The following ODF2 variants were observed in gnomAD, a reference collection of about 807,000 sequenced individuals.
The protein encoded by ODF2 is outer dense fiber of sperm tails 2.
In ODF2, 47 loss-of-function variants were observed where a neutral mutation model predicts 110.2. The ratio of observed to expected loss-of-function variants is 0.43; its 90% confidence interval spans 0.34 to 0.54. The LOEUF is 0.54. ODF2 is among the 20% of genes least tolerant of loss of function. ODF2 has a pLI of 0.03. For synonymous variants in ODF2, 352 were observed against 397.7 expected, an observed-to-expected ratio of 0.89 and a Z score of 1.37; for missense variants, 812 against 1,054.5, an observed-to-expected ratio of 0.77 and a Z score of 3.19.
chr9:128,496,381 A>G, intron 18 of ODF2: 1 of 1,343,816 alleles, frequency 7.4e-7, no homozygotes, highest in Non-Finnish European at 9.8e-7. Flanking sequence ...GCCCACCTGT[A>G]GGCACCACCT....
At position 128,496,174 on chromosome 9, in the gene ODF2, TC is replaced by T. The variant is rs764587186; in HGVS notation, c.2012+35del. On this transcript the variant is annotated intron_variant, in intron 18 of 20. Coordinates refer to ENST00000604420, the Ensembl canonical transcript of ODF2. ...GCACTTGGTCCCATCTCTGTCCTCT[TC>T]CTAGGACCTGAGACTTTCAGCCACT... 2.5e-6 allele frequency: 4 copies of T among 1,612,728 alleles called. No individual in the cohort carries two copies. The African/African-American group carries it at 5.3e-5, about 22-fold the overall frequency.
chr9:128,460,742 T>G lies in ODF2; in HGVS notation c.124-200T>G, dbSNP rs1836234269. 14 of 1,580,598 alleles carry G rather than the reference T, an allele frequency of 8.9e-6. No homozygotes were observed. The South Asian group carries it at 1.4e-4, about 15-fold the overall frequency. On this transcript the variant is annotated intron_variant, in intron 3 of 20. Transcript: ENST00000604420. ...TGCTAAGCCCAGCCTCCTCGCACTC[T>G]GACTCCAAAGGTTTGGGAGACAAAC...
At chr9:128,465,734 C>T (rs915909371) in intron 4 of ODF2, among the ~76,000 whole-genome samples, 4 of 144,788 alleles carry the variant, frequency 2.8e-5, no homozygotes, top group East Asian at 2.0e-4. Context: ...AGCGAGACTC[C>T]GTCTCAAAAA....
At chr9:128,489,471 T>G (rs1844092532) in intron 14 of ODF2, among the ~76,000 whole-genome samples, 1 of 152,198 alleles carries the variant, frequency 6.6e-6, no homozygotes, top group Non-Finnish European at 1.5e-5. Flanking sequence ...ACAAATTAGT[T>G]GCCTGCTTTT....
At chr9:128,498,705 A>G in intron 19 of ODF2, 130 bp downstream of exon 19, 1 of 652,360 alleles carries the variant, frequency 1.5e-6, no homozygotes, top group South Asian at 2.0e-5. Flanking sequence ...TAAGGATCAC[A>G]TTTTCATCGT....
chr9:128,488,127 G>A (rs1843768565), intron 14 of ODF2, 102 bp downstream of exon 14: 1 of 1,385,814 alleles, frequency 7.2e-7, no homozygotes, highest in African/African-American at 1.4e-5. Context: ...CTAAGAGGGA[G>A]TCAGAAAAGC....
At position 128,456,745 on chromosome 9, in the gene ODF2, G is replaced by A. The variant is rs1037932772; in HGVS notation, c.-208-453G>A. ...CCGGGCACCGTCTCCGGCTTGCCAG[G>A]GCCCTCGCCCGGCGGGGGGGGGTCC... is the stretch of plus-strand genomic sequence containing the variant. On this transcript the variant is annotated intron_variant, in intron 1 of 20. Transcript: ENST00000604420. The A allele has an allele frequency of 1.1e-5, 11 of 975,694 alleles. No homozygotes were observed. The African/African-American group carries it at 1.7e-4, about 15-fold the overall frequency. 60.4% of individuals were successfully genotyped at this position (975,694 alleles called of 1,614,324 possible).
chr9:128,467,676 C>T (rs970815856), intron 4 of ODF2, among the ~76,000 whole-genome samples: 29 of 133,754 alleles, frequency 2.2e-4, no homozygotes, highest in African/African-American at 7.9e-4. Context: ...ACCTGGGAGG[C>T]GGAGGTTGCA....
chr9:128,458,976 C>G (rs1835697733), intron 2 of ODF2, among the ~76,000 whole-genome samples: 1 of 152,076 alleles, frequency 6.6e-6, no homozygotes, highest in Non-Finnish European at 1.5e-5. Flanking sequence ...TCCCGAGTAG[C>G]TGGGACTACA....
At chr9:128,469,243 C>G (rs1410026270) in exon 5 of ODF2, 1 of 1,613,934 alleles carries the variant, frequency 6.2e-7, no homozygotes, top group Non-Finnish European at 8.5e-7. Flanking sequence ...CTCAGTGATG[C>G]GGTTAAGTGA....
intron 5 of ODF2, among the ~76,000 whole-genome samples, chr9:128,469,876 C>T (rs1187051145): frequency 1.4e-5 from 2 of 142,748 alleles, no homozygotes; most frequent in Non-Finnish European, 3.0e-5. Context: ...CTCAGCTGCT[C>T]AGGAGGCTGA....
chr9:128,456,764 G>GGGACGA, intron 1 of ODF2: 1 of 958,826 alleles, frequency 1.0e-6, no homozygotes, highest in Non-Finnish European at 1.2e-6. Flanking sequence ...CCGGCGGGGG[G>GGGACGA]GGGTCCCGCC....
In ODF2 at chr9:128,492,582, GC is replaced by G. The variant is rs778636460; in HGVS notation, c.1647+51del. The G allele has an allele frequency of 4.1e-5, 62 of 1,527,922 alleles. No individual in the cohort carries two copies. In the Admixed American group the frequency reaches 1.1e-3, roughly 26 times the overall value. 94.6% of individuals were successfully genotyped at this position (1,527,922 alleles called of 1,614,324 possible). A position where few individuals can be genotyped will look rare whatever the true frequency, so the allele number is the denominator to read the frequency against. ...GGCCCTTCTGAGCAGTGCCCTCCCT[GC>G]CCCCATCAGACTGGGGGCTCCCTAC... On this transcript the variant is annotated intron_variant, in intron 15 of 20. Transcript: ENST00000604420.
intron 2 of ODF2, among the ~76,000 whole-genome samples, chr9:128,458,790 C>T (rs372370949): frequency 2.2e-3 from 336 of 152,096 alleles, no homozygotes; most frequent in African/African-American, 6.9e-3. Context: ...GATGAGTGTG[C>T]GTCACAGTGA....
rs73669911 is a variant in ODF2 at position 128,472,726 on chromosome 9, C to T, written c.582-187C>T. Among the ~76,000 whole-genome samples, 729 of 152,266 alleles carry T rather than the reference C, an allele frequency of 4.8e-3. 5 individuals carry two copies. The highest frequency in any genetic ancestry group is 0.017 in the African/African-American group (692 of 41,556). On this transcript the variant is annotated intron_variant, in intron 6 of 20. Transcript: ENST00000604420. ...TGGTGTGGAGGCCCTGGTCTGGTGC[C>T]CAGGCAGATGTAACTTCTGGCCCTG...
At chr9:128,471,313 G>T in exon 6 of ODF2, 1 of 1,608,724 alleles carries the variant, frequency 6.2e-7, no homozygotes. Flanking sequence ...CTCAGGTCAA[G>T]ATGCAAAAAG....
Position 128,485,330 on chromosome 9 carries a change from C to T in ODF2, c.1291-35C>T, listed in dbSNP as rs1229830534. Reference sequence around the variant, plus strand: ...GCTCCTGGCAGCCTCACCACTGACACTAGGCTAACAGGCCCTTTTGTCCCG... The same window carrying T: ...GCTCCTGGCAGCCTCACCACTGACATTAGGCTAACAGGCCCTTTTGTCCCG... On this transcript the variant is annotated intron_variant, in intron 12 of 20. Transcript: ENST00000604420. This position sits in a 1 kb window ranked among gnomAD's most constrained non-coding sequence, Gnocchi z 5.0. 2.5e-6 allele frequency: 3 copies of T among 1,185,546 alleles called. No homozygotes were observed. In the South Asian group the frequency reaches 3.8e-5, roughly 15 times the overall value. The allele number at this position is 1,185,546 out of a possible 1,614,324, so 73.4% of individuals were successfully genotyped here.
chr9:128,494,821 A>C lies in ODF2; in HGVS notation c.1911+153A>C. ...GCTATCATCAGTGCTGTGAAATAAAAGTCTGGTGTGCCAAATGCCATGTGT... is the reference window on the plus strand; with the variant it reads ...GCTATCATCAGTGCTGTGAAATAAACGTCTGGTGTGCCAAATGCCATGTGT... On this transcript the variant is annotated intron_variant, in intron 17 of 20. Transcript: ENST00000604420. This position sits in a 1 kb window ranked among gnomAD's most constrained non-coding sequence, Gnocchi z 4.6. 1 of 1,526,812 alleles carries C rather than the reference A, an allele frequency of 6.5e-7. No individual in the cohort carries two copies. Among genetic ancestry groups the C allele is most frequent in the Non-Finnish European group, 8.8e-7 (1 of 1,136,762 alleles). The allele number at this position is 1,526,812 out of a possible 1,614,324, so 94.6% of individuals were successfully genotyped here.
intron 5 of ODF2, among the ~76,000 whole-genome samples, chr9:128,469,649 G>C (rs140311720): frequency 9.0e-4 from 137 of 152,218 alleles, no homozygotes; most frequent in African/African-American, 3.1e-3. Context: ...CCTCATTACA[G>C]AGATGAAATA....
Sources: gnomAD v4.1 joint callset for allele counts (sites outside exome capture counted in the v4.1 genomes callset) on GRCh38, gnomAD v4.1.1 for gene constraint, Gnocchi (gnomAD v3.1) non-coding constraint, MANE v1.5 for transcripts, NCBI Gene and HGNC (gene_info 2026-07-23, HGNC 2026-07-21) for gene names.